CUTC: variants seen among roughly 807,000 people sequenced by gnomAD.
CUTC encodes the protein copper homeostasis protein cutC homolog.
In CUTC, 27 loss-of-function variants were observed where a neutral mutation model predicts 36.2. The observed-to-expected ratio is 0.75, with a 90% CI of 0.55 to 1.03. The LOEUF is 1.03. Ranked by LOEUF, CUTC falls within the 50% of genes least tolerant of loss-of-function variation. CUTC has a pLI of 0.00. For synonymous variants in CUTC, 114 were observed against 118.3 expected (o/e 0.96, Z 0.24); for missense variants, 315 against 343.5 (o/e 0.92, Z 0.66).
At chr10:99,752,110 C>G (rs1284023595) in intron 7 of CUTC, among the ~76,000 whole-genome samples, 1 of 152,116 alleles carries the variant, frequency 6.6e-6, no homozygotes, top group African/African-American at 2.4e-5. Flanking sequence ...CATCTCACTA[C>G]TAGTGATGTC....
intron 1 of CUTC, among the ~76,000 whole-genome samples, chr10:99,734,062 GTA>G (rs1167822909): frequency 3.5e-5 from 4 of 114,714 alleles, no homozygotes; most frequent in Admixed American, 1.2e-4. Context: ...GGGACTGATA[GTA>G]TTTTTTTTTT....
rs1299497772 is a variant in CUTC at position 99,736,256 on chromosome 10, T to A, written c.72T>A (p.Asn24Lys). The change falls in exon 2 of 9, where the codon AAT becomes AAA. Residue 24 changes from asparagine (N) to lysine (K), a missense_variant. Coordinates refer to ENST00000370476, the MANE Select transcript of CUTC (RefSeq NM_015960.3). The stretch of plus-strand genomic sequence containing the variant: ...CTCCATGTATTTTAGGAGCAGCAAA[T>A]GGATTTCTCATGGAAGTTTGTGTTG... ...RIPSGKAGAA[N>K]GFLMEVCVDS... The A allele has an allele frequency of 6.2e-7, 1 of 1,613,742 alleles. No homozygotes were observed. Among genetic ancestry groups the A allele is most frequent in the Non-Finnish European group, 8.5e-7 (1 of 1,179,780 alleles).
At chr10:99,739,373 T>A (rs546817722) in intron 2 of CUTC, among the ~76,000 whole-genome samples, 234 of 152,346 alleles carry the variant, frequency 1.5e-3, no homozygotes, top group African/African-American at 5.5e-3. Context: ...TGTTATTTTC[T>A]TATCAACAAA....
chr10:99,746,820 C>G (rs1050824996), intron 5 of CUTC, among the ~76,000 whole-genome samples: 1 of 152,086 alleles, frequency 6.6e-6, no homozygotes, highest in African/African-American at 2.4e-5. Context: ...GTCGTCCAGG[C>G]TAGGGCACAA....
intron 1 of CUTC, among the ~76,000 whole-genome samples, chr10:99,733,927 G>A (rs948276917): frequency 1.5e-4 from 23 of 152,154 alleles, no homozygotes; most frequent in Admixed American, 1.5e-3. Flanking sequence ...TCCCCCGGCA[G>A]CATCAGCATC....
chr10:99,743,176 A>G lies in CUTC; in HGVS notation c.217A>G (p.Ser73Gly). The change falls in exon 4 of 9, where the codon AGT becomes GGT. Residue 73 changes from serine (S) to glycine (G), a missense_variant. Ser to Gly is a moderately conservative substitution (Grantham distance 56). Coordinates refer to ENST00000370476, the MANE Select transcript of CUTC (RefSeq NM_015960.3). ...AGGTGTCCTTCAAGTAGTGAAGCAG[A>G]GTGTTCAGATCCCAGTTTTTGTGAT... is the stretch of plus-strand genomic sequence containing the variant. ...SMGVLQVVKQ[S>G]VQIPVFVMIR... 1 of 1,614,070 alleles carries G rather than the reference A, an allele frequency of 6.2e-7. No homozygotes were observed. Among genetic ancestry groups the G allele is most frequent in the Non-Finnish European group, 8.5e-7 (1 of 1,180,008 alleles).
chr10:99,736,991 C>G (rs919869164), intron 2 of CUTC, among the ~76,000 whole-genome samples: 3 of 152,072 alleles, frequency 2.0e-5, no homozygotes, highest in Non-Finnish European at 4.4e-5. Context: ...AAACATCAGC[C>G]GGGTGCAGTG....
Position 99,755,763 on chromosome 10 carries a change from A to T in CUTC, c.*24A>T, listed in dbSNP as rs775615813. On this transcript the variant is annotated 3_prime_UTR_variant, in exon 9 of 9. Transcript: ENST00000370476. ...AGCCAGACCTCTCTGAGAGACATGG[A>T]TATCACAGGATGAAGGTAGAACTAT... The T allele has an allele frequency of 1.4e-5, 19 of 1,392,180 alleles. No individual in the cohort carries two copies. Among genetic ancestry groups the T allele is most frequent in the Middle Eastern group, 1.8e-4 (1 of 5,646 alleles). 86.2% of individuals were successfully genotyped at this position (1,392,180 alleles called of 1,614,324 possible). A position where few individuals can be genotyped will look rare whatever the true frequency, so the allele number is the denominator to read the frequency against.
rs1353405639 is a variant in CUTC at position 99,736,246 on chromosome 10, G to C, written c.62G>C (p.Gly21Ala). Residue 21 changes from glycine to alanine, a missense_variant and splice_region_variant, in exon 2 of 9, where the codon GGA becomes GCA. Gly to Ala is a moderately conservative substitution (Grantham distance 60). Coordinates refer to ENST00000370476, the MANE Select transcript of CUTC (RefSeq NM_015960.3). ...TCTTACCATTCTCCATGTATTTTAGGAGCAGCAAATGGATTTCTCATGGAA... is the reference window on the plus strand; with the variant it reads ...TCTTACCATTCTCCATGTATTTTAGCAGCAGCAAATGGATTTCTCATGGAA... ...KRARIPSGKAGAANGFLMEVC... is the reference protein window; with the variant it reads ...KRARIPSGKAAAANGFLMEVC... 6.2e-7 allele frequency: 1 copy of C among 1,613,000 alleles called. No homozygotes were observed. Among genetic ancestry groups the C allele is most frequent in the Non-Finnish European group, 8.5e-7 (1 of 1,179,204 alleles).
At chr10:99,736,362 G>A in intron 2 of CUTC, 45 bp downstream of exon 2, 1 of 1,431,460 alleles carries the variant, frequency 7.0e-7, no homozygotes, top group Non-Finnish European at 9.9e-7. Flanking sequence ...ACCCTTTTAA[G>A]AGTCTGAAAA....
chr10:99,754,437 G>A, intron 7 of CUTC, 92 bp from the exon 8 acceptor site: 2 of 811,448 alleles, frequency 2.5e-6, no homozygotes, highest in South Asian at 1.6e-5. Flanking sequence ...ATTCAGTTTG[G>A]GGATTCCAAG....
chr10:99,732,286 T>A lies in CUTC; in HGVS notation c.-63T>A. On this transcript the variant is annotated 5_prime_UTR_variant, in exon 1 of 9. Coordinates refer to ENST00000370476, the MANE Select transcript of CUTC (RefSeq NM_015960.3). Reference sequence around the variant, plus strand: ...AGCTGTTGACGCGCTTCTTAGCTGGTGCGCGCCGGAGCCCAAATTCCAAGT... The same window carrying A: ...AGCTGTTGACGCGCTTCTTAGCTGGAGCGCGCCGGAGCCCAAATTCCAAGT... 6.5e-7 allele frequency: 1 copy of A among 1,547,754 alleles called. No individual in the cohort carries two copies. Among genetic ancestry groups the A allele is most frequent in the Non-Finnish European group, 8.7e-7 (1 of 1,145,512 alleles).
In CUTC at chr10:99,743,213, G is replaced by A. The variant is rs369890435; in HGVS notation, c.254G>A (p.Arg85Gln). The A allele has an allele frequency of 6.4e-5, 104 of 1,614,108 alleles. No homozygotes were observed. The highest frequency in any genetic ancestry group is 2.7e-4 in the East Asian group (12 of 44,866). The change falls in exon 4 of 9, where the codon CGG (arginine) becomes CAG (glutamine). Residue 85 changes from arginine (R) to glutamine (Q), a missense_variant. Transcript: ENST00000370476. ...CCAGTTTTTGTGATGATTCGGCCAC[G>A]GGGAGGTGATTTTTTGTATTCAGAT... ...QIPVFVMIRP[R>Q]GGDFLYSDRE...
chr10:99,743,030 A>G (rs1482071725), intron 3 of CUTC, 123 bp from the exon 4 acceptor site: 2 of 813,432 alleles, frequency 2.5e-6, no homozygotes, highest in Non-Finnish European at 4.0e-6. Context: ...TCTACCATAT[A>G]TACATTTTTC....
intron 2 of CUTC, among the ~76,000 whole-genome samples, chr10:99,737,926 A>G (rs950240985): frequency 6.6e-6 from 1 of 152,130 alleles, no homozygotes; most frequent in Non-Finnish European, 1.5e-5. Flanking sequence ...AGGCGGGCGG[A>G]TCACCTGAGG....
chr10:99,737,051 C>T (rs2037302708), intron 2 of CUTC, among the ~76,000 whole-genome samples: 1 of 152,188 alleles, frequency 6.6e-6, no homozygotes, highest in African/African-American at 2.4e-5. Flanking sequence ...TGCCAGATCA[C>T]TTGAGCTCAT....
At chr10:99,745,044 C>A (rs557613622) in intron 5 of CUTC, among the ~76,000 whole-genome samples, 2 of 152,288 alleles carry the variant, frequency 1.3e-5, no homozygotes, top group Admixed American at 1.3e-4. Context: ...AGCCACCACC[C>A]CTGGCCAAAA....
chr10:99,750,135 T>G (rs1483445473), intron 6 of CUTC, among the ~76,000 whole-genome samples: 1 of 151,926 alleles, frequency 6.6e-6, no homozygotes, highest in Non-Finnish European at 1.5e-5. Flanking sequence ...TGGCACTTAT[T>G]GGGGGGGAAA....
chr10:99,750,278 A>G, intron 6 of CUTC, 91 bp from the exon 7 acceptor site: 2 of 867,516 alleles, frequency 2.3e-6, no homozygotes, highest in Non-Finnish European at 3.4e-6. Context: ...AATTTAATAT[A>G]TTCTGACTTA....
Sources: gnomAD v4.1 joint callset for allele counts (sites outside exome capture counted in the v4.1 genomes callset) on GRCh38, gnomAD v4.1.1 for gene constraint, MANE v1.5 for transcripts, NCBI Gene and HGNC (gene_info 2026-07-23, HGNC 2026-07-21) for gene names.